XRN2: variants seen among roughly 807,000 people sequenced by gnomAD.
The protein encoded by XRN2 is DHM1-like protein.
XRN2 carries 44 observed loss-of-function variants against 138.5 expected under a neutral mutation model. The ratio of observed to expected loss-of-function variants is 0.32; its 90% CI spans 0.25 to 0.41. The LOEUF (loss-of-function observed/expected upper bound fraction) is 0.41. XRN2 is among the 10% of genes least tolerant of loss of function. The pLI is 1.00. For synonymous variants in XRN2, 354 were observed against 369.4 expected (o/e 0.96, Z 0.48); for missense variants, 937 against 1,169.3 (o/e 0.80, Z 2.90).
At chr20:21,316,887 T>C (rs1292521904) in intron 1 of XRN2, among the ~76,000 whole-genome samples, 1 of 152,220 alleles carries the variant, frequency 6.6e-6, no homozygotes, top group African/African-American at 2.4e-5. Flanking sequence ...ATTGTGAGAA[T>C]GTTTTAACTT....
chr20:21,353,808 A>AC (rs1310529175), intron 20 of XRN2, among the ~76,000 whole-genome samples: 2 of 151,502 alleles, frequency 1.3e-5, no homozygotes, highest in South Asian at 2.1e-4. Context: ...AAAAAAAAAA[A>AC]AACAACTGTT....
chr20:21,322,558 C>T (rs1284575209), intron 1 of XRN2, among the ~76,000 whole-genome samples: 1 of 152,140 alleles, frequency 6.6e-6, no homozygotes, highest in African/African-American at 2.4e-5. Context: ...CTGTTAAATC[C>T]TTTGTAGGTT....
chr20:21,328,098 A>G (rs2038152917), intron 3 of XRN2, among the ~76,000 whole-genome samples: 1 of 152,196 alleles, frequency 6.6e-6, no homozygotes, highest in South Asian at 2.1e-4. Context: ...TGTTGCTTTT[A>G]TGAGACATTG....
In XRN2 at chr20:21,389,236, G is replaced by A. The variant is rs780884452; in HGVS notation, c.2788-37G>A. ...AGTTAACTGACTTGCAGGAGTATCG[G>A]TCCAGAAAATAAACTCTTTCTTTTG... On this transcript the variant is annotated intron_variant, in intron 29 of 29. Coordinates refer to ENST00000377191, the MANE Select transcript of XRN2 (RefSeq NM_012255.5). 4.4e-6 allele frequency: 7 copies of A among 1,579,474 alleles called. No individual in the cohort carries two copies. The Admixed American group carries it at 1.2e-4, about 27-fold the overall frequency.
In XRN2 at chr20:21,384,448, G is replaced by A. The variant is rs1448814728; in HGVS notation, c.2648+2391G>A. ...ACTTAAAAAAATTGTTGCTATCTAC[G>A]ATGCCAAATGGCTCAAATAAGTTGC... On this transcript the variant is annotated intron_variant, in intron 28 of 29. Transcript: ENST00000377191. 2.6e-5 allele frequency among the ~76,000 whole-genome samples: 4 copies of A among 152,034 alleles called. 1 individual carries two copies. Among genetic ancestry groups the A allele is most frequent in the Admixed American group, 2.0e-4 (3 of 15,258 alleles).
intron 6 of XRN2, 145 bp from the exon 7 acceptor site, chr20:21,331,416 C>T (rs2038206463): frequency 7.6e-6 from 5 of 658,840 alleles, no homozygotes; most frequent in Non-Finnish European, 1.3e-5. Flanking sequence ...CACACACACA[C>T]ACACACACAC....
intron 26 of XRN2, among the ~76,000 whole-genome samples, chr20:21,367,643 G>A (rs6075797): frequency 0.86 from 131,250 of 152,152 alleles, 56,951 homozygotes; most frequent in East Asian, 0.98. Flanking sequence ...ATGAAGTTAT[G>A]AGAATTAAGT....
At position 21,346,497 on chromosome 20, in the gene XRN2, G is replaced by C. The variant is rs1234777531; in HGVS notation, c.1612G>C (p.Val538Leu). ...DAADEKFRRK[V>L]VQSYVEGLCW... ...AGCTGATGAGAAATTCCGTCGGAAA[G>C]TTGTGCAGTCGTACGTTGAAGGACT... Residue 538 changes from valine (V) to leucine (L), a missense_variant, in exon 17 of 30, where the codon GTT becomes CTT. Coordinates refer to ENST00000377191, the MANE Select transcript of XRN2 (RefSeq NM_012255.5). 1.9e-6 allele frequency: 3 copies of C among 1,614,204 alleles called. No individual in the cohort carries two copies. Among genetic ancestry groups the C allele is most frequent in the South Asian group, 1.1e-5 (1 of 91,090 alleles).
intron 26 of XRN2, among the ~76,000 whole-genome samples, chr20:21,366,127 T>TTA (rs1296417726): frequency 2.0e-5 from 2 of 97,702 alleles, no homozygotes; most frequent in Admixed American, 1.6e-4. Context: ...TATTTATAGT[T>TTA]TATATATATA....
intron 1 of XRN2, among the ~76,000 whole-genome samples, chr20:21,324,730 C>G (rs988522619): frequency 1.3e-5 from 2 of 152,176 alleles, no homozygotes; most frequent in African/African-American, 4.8e-5. Flanking sequence ...AACTCCTGGC[C>G]TCAAGCAATC....
intron 20 of XRN2, 94 bp downstream of exon 20, chr20:21,349,555 C>A: frequency 1.9e-6 from 2 of 1,063,202 alleles, no homozygotes; most frequent in Non-Finnish European, 1.4e-6. Context: ...TTAGCCTGGG[C>A]AACATGGTGA....
At chr20:21,380,683 A>G (rs2038873610) in intron 27 of XRN2, among the ~76,000 whole-genome samples, 1 of 152,232 alleles carries the variant, frequency 6.6e-6, no homozygotes, top group African/African-American at 2.4e-5. Context: ...CCACCTTTTA[A>G]TTCACAATGG....
chr20:21,366,572 A>G (rs1488167363), intron 26 of XRN2, among the ~76,000 whole-genome samples: 2 of 151,824 alleles, frequency 1.3e-5, no homozygotes, highest in African/African-American at 4.8e-5. Flanking sequence ...AAAAAAAAAA[A>G]AAGGGAAAAA....
At chr20:21,304,028 G>C (rs6082380) in intron 1 of XRN2, among the ~76,000 whole-genome samples, 1 of 152,338 alleles carries the variant, frequency 6.6e-6, no homozygotes, top group Non-Finnish European at 1.5e-5. Flanking sequence ...CAGTATGTCA[G>C]GTCCAGGATG....
intron 9 of XRN2, among the ~76,000 whole-genome samples, chr20:21,332,841 ATTTG>A (rs1228124469): frequency 6.6e-6 from 1 of 152,162 alleles, no homozygotes; most frequent in African/African-American, 2.4e-5. Context: ...ATAGCTTGTA[ATTTG>A]TTTGTGGAAG....
At chr20:21,384,425 T>G (rs561470236) in intron 28 of XRN2, among the ~76,000 whole-genome samples, 4 of 152,346 alleles carry the variant, frequency 2.6e-5, no homozygotes, top group African/African-American at 7.2e-5. Context: ...ATTTGGAAAC[T>G]TAAAAAAATT....
chr20:21,313,000 A>G (rs1406861246), intron 1 of XRN2, among the ~76,000 whole-genome samples: 1 of 152,224 alleles, frequency 6.6e-6, no homozygotes, highest in African/African-American at 2.4e-5. Flanking sequence ...TCTTGAAAAC[A>G]GAAGTGAGGT....
At chr20:21,314,311 C>T (rs1324120129) in intron 1 of XRN2, among the ~76,000 whole-genome samples, 1 of 152,168 alleles carries the variant, frequency 6.6e-6, no homozygotes, top group Non-Finnish European at 1.5e-5. Context: ...TATGGATATA[C>T]CACATTTTGT....
intron 1 of XRN2, among the ~76,000 whole-genome samples, chr20:21,311,649 C>G (rs562855511): frequency 5.9e-5 from 9 of 152,226 alleles, no homozygotes; most frequent in African/African-American, 2.2e-4. Context: ...AACTGTTTTT[C>G]TAGTCTGCTT....
Sources: gnomAD v4.1 joint callset for allele counts (sites outside exome capture counted in the v4.1 genomes callset) on GRCh38, gnomAD v4.1.1 for gene constraint, MANE v1.5 for transcripts, NCBI Gene and HGNC (gene_info 2026-07-23, HGNC 2026-07-21) for gene names.